Variants in PTPRD observed in about 807,000 individuals in gnomAD.
PTPRD encodes the protein receptor-type tyrosine-protein phosphatase delta.
PTPRD carries 34 observed loss-of-function variants against 214.5 expected under a neutral mutation model. The ratio of observed to expected loss-of-function variants is 0.16; its 90% CI spans 0.12 to 0.21. PTPRD has a LOEUF of 0.21. Among genes scored for constraint, PTPRD ranks in the 10% least tolerant of loss-of-function variants. The probability of loss-of-function intolerance (pLI) is 1.00; values close to 1 mark genes in which losing one functional copy is unlikely to be tolerated. For synonymous variants in PTPRD, 1,128 were observed against 845.7 expected (o/e 1.33, Z -5.79); for missense variants, 2,545 against 2,398.7 (o/e 1.06, Z -1.27).
At chr9:9,432,494 T>A (rs1038799986) in intron 8 of PTPRD, among the ~76,000 whole-genome samples, 6 of 152,188 alleles carry the variant, frequency 3.9e-5, no homozygotes, top group Non-Finnish European at 7.3e-5. Flanking sequence ...AAAAGGGCAA[T>A]ATTGATCCAA....
intron 8 of PTPRD, among the ~76,000 whole-genome samples, chr9:9,443,427 T>C (rs2089067406): frequency 6.6e-6 from 1 of 152,174 alleles, no homozygotes; most frequent in Non-Finnish European, 1.5e-5. Context: ...CAGGGAAATA[T>C]AAAGTCTGTT....
chr9:10,375,606 G>A (rs891646057), intron 2 of PTPRD, among the ~76,000 whole-genome samples: 1 of 151,968 alleles, frequency 6.6e-6, no homozygotes, highest in Non-Finnish European at 1.5e-5. Context: ...GAATAGTTCA[G>A]TAATTTAAAA....
intron 4 of PTPRD, among the ~76,000 whole-genome samples, chr9:10,023,100 T>G (rs934863528): frequency 6.6e-6 from 1 of 152,176 alleles, no homozygotes; most frequent in African/African-American, 2.4e-5. Flanking sequence ...GAAAGGAAGA[T>G]TTTTGACACA....
rs753090968 is a variant in PTPRD, at chr9:8,523,568, G to C, written c.680-44C>G. The C allele has an allele frequency of 2.5e-6, 4 of 1,608,700 alleles. No individual in the cohort carries two copies. The East Asian group carries it at 9.0e-5, about 36-fold the overall frequency. On this transcript the variant is annotated intron_variant, in intron 18 of 45. Coordinates refer to ENST00000381196, the MANE Select transcript of PTPRD (RefSeq NM_002839.4). ...TTGATGCAGAACACAATGAAATGAG[G>C]AAAGGAGAAAAACAAGGGAAACACA...
chr9:8,429,442 T>C (rs1366294780), intron 35 of PTPRD, among the ~76,000 whole-genome samples: 1 of 152,230 alleles, frequency 6.6e-6, no homozygotes, highest in African/African-American at 2.4e-5. Flanking sequence ...GCAATGTTTT[T>C]AATGTCTCTA....
intron 8 of PTPRD, among the ~76,000 whole-genome samples, chr9:9,406,040 G>A (rs1372748514): frequency 6.6e-6 from 1 of 151,826 alleles, no homozygotes; most frequent in Non-Finnish European, 1.5e-5. Flanking sequence ...ACTTTGGTTT[G>A]GAATATGAAG....
chr9:9,533,757 C>A (rs74419899), intron 8 of PTPRD, among the ~76,000 whole-genome samples: 2,389 of 152,002 alleles, frequency 0.016, 35 homozygotes, highest in Admixed American at 0.025. Flanking sequence ...GACCATTGAG[C>A]AAAGGATATT....
intron 7 of PTPRD, among the ~76,000 whole-genome samples, chr9:9,628,081 T>C (rs1402238442): frequency 6.6e-6 from 1 of 152,222 alleles, no homozygotes; most frequent in Non-Finnish European, 1.5e-5. Flanking sequence ...TTTTCCCACT[T>C]ATATTGTTTC....
At chr9:8,490,155 G>C (rs2097121564) in intron 27 of PTPRD, among the ~76,000 whole-genome samples, 1 of 152,154 alleles carries the variant, frequency 6.6e-6, no homozygotes, top group Non-Finnish European at 1.5e-5. Flanking sequence ...AGGGGAGTTG[G>C]AAGGTCATTT....
At chr9:9,319,505 G>C (rs1356074169) in intron 9 of PTPRD, among the ~76,000 whole-genome samples, 1 of 152,138 alleles carries the variant, frequency 6.6e-6, no homozygotes, top group Non-Finnish European at 1.5e-5. Context: ...TTTCAGACTA[G>C]CAGAAATTCT....
intron 3 of PTPRD, among the ~76,000 whole-genome samples, chr9:10,274,354 G>A (rs538726306): frequency 9.3e-4 from 142 of 152,220 alleles, no homozygotes; most frequent in South Asian, 8.3e-3. Flanking sequence ...TTGGCAGTTG[G>A]ACACTAACCA....
intron 7 of PTPRD, among the ~76,000 whole-genome samples, chr9:9,680,751 T>A (rs761534457): frequency 1.3e-5 from 2 of 150,966 alleles, no homozygotes; most frequent in Non-Finnish European, 3.0e-5. Context: ...ATTTGGGGAG[T>A]AACTAACAGA....
chr9:9,706,472 T>G (rs2097610387), intron 7 of PTPRD, among the ~76,000 whole-genome samples: 1 of 151,678 alleles, frequency 6.6e-6, no homozygotes, highest in Non-Finnish European at 1.5e-5. Context: ...GGAGTTTCAC[T>G]CTGGTCTCAC....
At chr9:8,637,806 C>T (rs2096479069) in intron 12 of PTPRD, among the ~76,000 whole-genome samples, 1 of 152,088 alleles carries the variant, frequency 6.6e-6, no homozygotes, top group South Asian at 2.1e-4. Flanking sequence ...GAAGATGGAA[C>T]ATCATACAAG....
At chr9:9,231,706 A>T (rs2099963213) in intron 9 of PTPRD, among the ~76,000 whole-genome samples, 1 of 152,106 alleles carries the variant, frequency 6.6e-6, no homozygotes, top group African/African-American at 2.4e-5. Flanking sequence ...TGAGATTTAA[A>T]TGAATATCTA....
At chr9:10,499,321 G>A (rs1311776164) in intron 2 of PTPRD, among the ~76,000 whole-genome samples, 2 of 151,740 alleles carry the variant, frequency 1.3e-5, no homozygotes, top group African/African-American at 4.8e-5. Flanking sequence ...AGAACTTAAT[G>A]TATAATAAAA....
At chr9:9,603,550 C>T (rs2093934680) in intron 7 of PTPRD, among the ~76,000 whole-genome samples, 2 of 152,148 alleles carry the variant, frequency 1.3e-5, no homozygotes, top group African/African-American at 4.8e-5. Flanking sequence ...GCAAGCATTA[C>T]CACCTGAGCT....
intron 4 of PTPRD, among the ~76,000 whole-genome samples, chr9:9,947,603 ATATTTT>A (rs2092944575): frequency 1.6e-5 from 1 of 62,446 alleles, no homozygotes; most frequent in Non-Finnish European, 3.0e-5. Context: ...TATAATATAT[ATATTTT>A]ATATATATAT....
intron 8 of PTPRD, among the ~76,000 whole-genome samples, chr9:9,510,471 G>C (rs1024448490): frequency 6.6e-6 from 1 of 151,362 alleles, no homozygotes; most frequent in South Asian, 2.1e-4. Context: ...TAAATTAAGA[G>C]GGATAGTTAG....
Sources: gnomAD v4.1 joint callset for allele counts (sites outside exome capture counted in the v4.1 genomes callset) on GRCh38, gnomAD v4.1.1 for gene constraint, MANE v1.5 for transcripts, NCBI Gene and HGNC (gene_info 2026-07-23, HGNC 2026-07-21) for gene names.